The following DOCK3 variants were observed in gnomAD, a reference collection of about 807,000 sequenced individuals.
DOCK3 encodes dedicator of cytokinesis protein 3.
In DOCK3, 60 loss-of-function variants were observed where a neutral mutation model predicts 265.6. That is an observed-to-expected ratio of 0.23 (90% CI 0.18 to 0.28). DOCK3 has a LOEUF of 0.28. Among genes scored for constraint, DOCK3 ranks in the 10% least tolerant of loss-of-function variants. The probability of loss-of-function intolerance (pLI) is 1.00; values close to 1 mark genes in which losing one functional copy is unlikely to be tolerated. For missense variants in DOCK3, 1,981 were observed against 2,594.3 expected, an observed-to-expected ratio of 0.76 and a Z score of 5.14; for synonymous variants, 881 against 938.0, an observed-to-expected ratio of 0.94 and a Z score of 1.11.
rs1220502802 is a variant in DOCK3 at position 51,214,246 on chromosome 3, A to G, written c.1251A>G (p.Pro417=). ...RKLGFPDVIM[P]GDIRNDLYLT... ...TGGGATTTCCTGATGTCATTATGCC[A>G]GGTATGCAGAACTGCTTGGGGCTGG... Residue 417 remains proline, a splice_region_variant and synonymous_variant, in exon 14 of 53, where the codon CCA becomes CCG. Coordinates refer to ENST00000266037, the MANE Select transcript of DOCK3 (RefSeq NM_004947.5). 1.9e-6 allele frequency: 3 copies of G among 1,613,474 alleles called. No individual in the cohort carries two copies. The East Asian group carries it at 6.7e-5, about 36-fold the overall frequency.
intron 3 of DOCK3, among the ~76,000 whole-genome samples, chr3:50,888,190 A>G (rs1426889194): frequency 2.0e-5 from 3 of 152,162 alleles, no homozygotes; most frequent in Non-Finnish European, 4.4e-5. Flanking sequence ...ATGTACAAAA[A>G]TCACAAGCAT....
chr3:51,309,630 CG>C (rs1560408252), intron 27 of DOCK3, among the ~76,000 whole-genome samples: 25 of 2,020 alleles, frequency 0.012, no homozygotes, highest in African/African-American at 0.076. Context: ...AGAGCGAGAG[CG>C]AGAGCGAGAG....
intron 5 of DOCK3, among the ~76,000 whole-genome samples, chr3:50,947,415 T>C (rs2076456941): frequency 6.6e-6 from 1 of 152,068 alleles, no homozygotes; most frequent in Admixed American, 6.5e-5. Flanking sequence ...TAAATTTCCA[T>C]TTCAGTTGAA....
chr3:51,310,120 C>A (rs1258384636), intron 27 of DOCK3, 112 bp from the exon 28 acceptor site: 8 of 793,130 alleles, frequency 1.0e-5, no homozygotes, highest in African/African-American at 1.7e-5. Flanking sequence ...AGAACCAGAT[C>A]TAACTCACTG....
At chr3:50,685,546 G>A (rs1352495024) in intron 1 of DOCK3, 1 of 152,866 alleles carries the variant, frequency 6.5e-6, no homozygotes, top group African/African-American at 2.4e-5. Flanking sequence ...TAGGAAAATT[G>A]CTAGTTCCAG....
chr3:51,287,612 T>TA (rs2081479473), intron 27 of DOCK3, among the ~76,000 whole-genome samples: 1 of 152,024 alleles, frequency 6.6e-6, no homozygotes, highest in Middle Eastern at 3.4e-3. Flanking sequence ...AAATTAAAAT[T>TA]AAAAAATTAA....
At chr3:51,174,052 G>A (rs1576318621) in intron 12 of DOCK3, among the ~76,000 whole-genome samples, 1 of 152,034 alleles carries the variant, frequency 6.6e-6, no homozygotes, top group African/African-American at 2.4e-5. Flanking sequence ...TCTTTATTCT[G>A]CATGATTGAG....
At chr3:50,872,254 C>T (rs1163749630) in intron 3 of DOCK3, among the ~76,000 whole-genome samples, 1 of 152,218 alleles carries the variant, frequency 6.6e-6, no homozygotes, top group African/African-American at 2.4e-5. Context: ...TTAGGGGGGA[C>T]CCCAAGTCTA....
intron 1 of DOCK3, among the ~76,000 whole-genome samples, chr3:50,762,617 C>T (rs755691448): frequency 6.6e-6 from 1 of 152,098 alleles, no homozygotes; most frequent in Non-Finnish European, 1.5e-5. Context: ...TTGTACCCTA[C>T]TTTCTGATCC....
intron 1 of DOCK3, among the ~76,000 whole-genome samples, chr3:50,751,894 T>A (rs1210659848): frequency 6.6e-6 from 1 of 152,042 alleles, no homozygotes; most frequent in Non-Finnish European, 1.5e-5. Context: ...GAGCTTCTTA[T>A]AAAACCATCA....
chr3:50,791,697 A>G (rs1024797898), intron 2 of DOCK3, among the ~76,000 whole-genome samples: 2 of 152,030 alleles, frequency 1.3e-5, no homozygotes, highest in African/African-American at 2.4e-5. Context: ...GTCTTCTTCA[A>G]TGCTTGTTTT....
chr3:51,160,409 T>C (rs1018243982), intron 11 of DOCK3, 146 bp from the exon 12 acceptor site: 38 of 1,001,906 alleles, frequency 3.8e-5, no homozygotes, highest in African/African-American at 4.9e-5. Context: ...ATAAATATCC[T>C]TGGATGACTC....
At chr3:50,771,844 C>G (rs957104099) in intron 1 of DOCK3, among the ~76,000 whole-genome samples, 1 of 152,070 alleles carries the variant, frequency 6.6e-6, no homozygotes, top group African/African-American at 2.4e-5. Context: ...GAGCGAGACT[C>G]CATCTCAAAA....
chr3:51,216,821 G>T (rs1021303795), intron 14 of DOCK3, among the ~76,000 whole-genome samples: 1 of 152,190 alleles, frequency 6.6e-6, no homozygotes, highest in South Asian at 2.1e-4. Context: ...ACTGTGTTAA[G>T]AAGTCCTTAG....
chr3:51,087,174 AG>A (rs2082458329), intron 7 of DOCK3, among the ~76,000 whole-genome samples: 1 of 152,222 alleles, frequency 6.6e-6, no homozygotes, highest in Non-Finnish European at 1.5e-5. Context: ...CAAGGACACA[AG>A]AAAAAAAAGA....
intron 1 of DOCK3, among the ~76,000 whole-genome samples, chr3:50,771,867 A>G (rs531902458): frequency 1.1e-4 from 16 of 152,226 alleles, no homozygotes; most frequent in Middle Eastern, 6.8e-3. Context: ...AAAAACAAAA[A>G]CAAAACAAAA....
rs140361596 is a variant in DOCK3, at chr3:50,732,548, G to C, written c.38-46127G>C. Among the ~76,000 whole-genome samples, 585 of 152,236 alleles carry C rather than the reference G, an allele frequency of 3.8e-3. 18 individuals carry two copies. The highest frequency in any genetic ancestry group is 0.033 in the Admixed American group (511 of 15,286). ...GCCCCCTGAGTACCTAGGACTACGG[G>C]TGCACACCATCATGCCTGGCTGATA... On this transcript the variant is annotated intron_variant, in intron 1 of 52. Coordinates refer to ENST00000266037, the MANE Select transcript of DOCK3 (RefSeq NM_004947.5).
chr3:51,015,531 A>G (rs901168428), intron 5 of DOCK3, among the ~76,000 whole-genome samples: 13 of 150,890 alleles, frequency 8.6e-5, no homozygotes, highest in Non-Finnish European at 1.5e-5. Flanking sequence ...TTGGTTTGCT[A>G]GTATTTTGTT....
intron 1 of DOCK3, among the ~76,000 whole-genome samples, chr3:50,773,125 A>C (rs1487629358): frequency 6.6e-6 from 1 of 152,170 alleles, no homozygotes. Flanking sequence ...AGAACCTAAA[A>C]TAAGTCCACA....
Sources: gnomAD v4.1 joint callset for allele counts (sites outside exome capture counted in the v4.1 genomes callset) on GRCh38, gnomAD v4.1.1 for gene constraint, MANE v1.5 for transcripts, NCBI Gene and HGNC (gene_info 2026-07-23, HGNC 2026-07-21) for gene names.